SPOP: variants seen among roughly 807,000 people sequenced by gnomAD.
SPOP encodes speckle-type POZ protein.
In SPOP, 11 loss-of-function variants were observed where a neutral mutation model predicts 45.6. That is an observed-to-expected ratio of 0.24 (90% confidence interval 0.15 to 0.40). The LOEUF is 0.40. Ranked by LOEUF, SPOP falls within the 10% of genes least tolerant of loss-of-function variation. The probability of loss-of-function intolerance (pLI) is 1.00; values close to 1 mark genes in which losing one functional copy is unlikely to be tolerated. For missense variants in SPOP, 152 were observed against 465.6 expected (o/e 0.33, Z 6.20); for synonymous variants, 166 against 166.3 (o/e 1.00, Z 0.01).
chr17:49,653,788 T>C (rs2143500505), intron 1 of SPOP, among the ~76,000 whole-genome samples: 1 of 150,012 alleles, frequency 6.7e-6, no homozygotes, highest in Admixed American at 6.7e-5. Flanking sequence ...GAAATGCCTT[T>C]TATAAATACA....
At chr17:49,632,354 T>TG (rs2072466184) in intron 1 of SPOP, among the ~76,000 whole-genome samples, 1 of 152,158 alleles carries the variant, frequency 6.6e-6, no homozygotes, top group Non-Finnish European at 1.5e-5. Context: ...TACAGAGCTA[T>TG]GGGGGGAGTT....
chr17:49,618,442 G>T, intron 5 of SPOP: 1 of 418,892 alleles, frequency 2.4e-6, no homozygotes, highest in Admixed American at 2.9e-5. Flanking sequence ...ATAACTCTGT[G>T]AGCTAACTGT....
intron 1 of SPOP, among the ~76,000 whole-genome samples, chr17:49,660,067 G>A (rs2072966598): frequency 2.0e-5 from 3 of 152,190 alleles, no homozygotes; most frequent in South Asian, 2.1e-4. Flanking sequence ...AGTGGTATGG[G>A]TGCAGCCCAG....
chr17:49,645,012 T>C (rs2072728987), intron 1 of SPOP, among the ~76,000 whole-genome samples: 1 of 152,094 alleles, frequency 6.6e-6, no homozygotes, highest in Non-Finnish European at 1.5e-5. Context: ...AATCGATGAA[T>C]TCAGGAAAAA....
At chr17:49,601,165 C>T (rs148362996) in intron 9 of SPOP, 15 of 152,914 alleles carry the variant, frequency 9.8e-5, no homozygotes, top group Admixed American at 9.1e-4. Flanking sequence ...GTTCACTCAT[C>T]CACCTGGAAT....
At chr17:49,608,459 C>A (rs1363397637) in intron 6 of SPOP, among the ~76,000 whole-genome samples, 2 of 152,014 alleles carry the variant, frequency 1.3e-5, no homozygotes, top group African/African-American at 4.8e-5. Context: ...GATGATATTG[C>A]CCCAAAGAGG....
At chr17:49,621,796 CAGGCACTGTGCT>C (rs2072225991) in intron 3 of SPOP, 138 bp downstream of exon 3, 18 of 740,548 alleles carry the variant, frequency 2.4e-5, no homozygotes, top group South Asian at 3.8e-5. Flanking sequence ...TATTATGTGC[CAGGCACTGTGCT>C]AGGCACTGGG....
intron 1 of SPOP, among the ~76,000 whole-genome samples, chr17:49,650,859 A>G (rs2072834567): frequency 6.6e-6 from 1 of 152,244 alleles, no homozygotes; most frequent in Non-Finnish European, 1.5e-5. Flanking sequence ...GTGCTTCACA[A>G]GAAAAGTCTG....
intron 1 of SPOP, among the ~76,000 whole-genome samples, chr17:49,624,993 A>C (rs1384442331): frequency 6.6e-6 from 1 of 152,216 alleles, no homozygotes; most frequent in Non-Finnish European, 1.5e-5. Flanking sequence ...TTAACAATAC[A>C]TGTGCTAGAG....
At chr17:49,653,650 C>T (rs960827692) in intron 1 of SPOP, among the ~76,000 whole-genome samples, 2 of 151,924 alleles carry the variant, frequency 1.3e-5, no homozygotes, top group Middle Eastern at 3.4e-3. Context: ...TCCAATGTGA[C>T]TCCCACTTGA....
At chr17:49,614,849 A>G (rs560514344) in intron 5 of SPOP, among the ~76,000 whole-genome samples, 29 of 141,282 alleles carry the variant, frequency 2.1e-4, no homozygotes, top group African/African-American at 8.5e-4. Flanking sequence ...GTGTGTATAA[A>G]ACTATTAGTT....
chr17:49,640,976 T>C (rs1016735834), intron 1 of SPOP, among the ~76,000 whole-genome samples: 1 of 152,074 alleles, frequency 6.6e-6, no homozygotes, highest in Non-Finnish European at 1.5e-5. Context: ...TAAAAATGAA[T>C]TCCTGGCTGA....
chr17:49,651,699 T>G (rs2072844483), intron 1 of SPOP, among the ~76,000 whole-genome samples: 1 of 152,226 alleles, frequency 6.6e-6, no homozygotes, highest in Non-Finnish European at 1.5e-5. Context: ...GTACCCATTT[T>G]GTGATAGGCC....
In SPOP at chr17:49,600,315, C is replaced by T. The variant is rs2071716932; in HGVS notation, c.*63G>A. The T allele has an allele frequency of 6.2e-7, 1 of 1,603,666 alleles. No homozygotes were observed. ...CAGATTGCGCTGTCTACCTGGTGGT[C>T]AGTGGCAGCAACAGTGGCTGCTGCT... On this transcript the variant is annotated 3_prime_UTR_variant, in exon 10 of 10. Coordinates refer to ENST00000504102, the MANE Select transcript of SPOP (RefSeq NM_001007228.2). This position sits in a 1 kb window ranked among gnomAD's most constrained non-coding sequence, Gnocchi z 4.2.
At chr17:49,659,517 A>T (rs1368045753) in intron 1 of SPOP, among the ~76,000 whole-genome samples, 1 of 152,132 alleles carries the variant, frequency 6.6e-6, no homozygotes, top group Non-Finnish European at 1.5e-5. Context: ...CAACCTACTT[A>T]TATTTTTCTA....
chr17:49,650,297 A>G (rs2072825353), intron 1 of SPOP, among the ~76,000 whole-genome samples: 1 of 152,084 alleles, frequency 6.6e-6, no homozygotes, highest in African/African-American at 2.4e-5. Context: ...ATAGAAAAAC[A>G]GGCTGGGTGC....
intron 1 of SPOP, among the ~76,000 whole-genome samples, chr17:49,647,636 A>G (rs1464854241): frequency 6.6e-6 from 1 of 152,032 alleles, no homozygotes; most frequent in African/African-American, 2.4e-5. Context: ...GTGTGCCACC[A>G]TGCCCAGATA....
At chr17:49,640,020 A>G (rs2072616320) in intron 1 of SPOP, among the ~76,000 whole-genome samples, 1 of 152,012 alleles carries the variant, frequency 6.6e-6, no homozygotes, top group African/African-American at 2.4e-5. Context: ...GAGGCTGAGG[A>G]GGGAGGATCA....
chr17:49,657,816 C>T (rs2072935506), intron 1 of SPOP, among the ~76,000 whole-genome samples: 1 of 151,776 alleles, frequency 6.6e-6, no homozygotes, highest in African/African-American at 2.4e-5. Context: ...ATTCTCCTGC[C>T]TCAGCCTCCT....
Sources: allele counts gnomAD v4.1 joint callset (sites outside exome capture counted in the v4.1 genomes callset), GRCh38; gene constraint gnomAD v4.1.1; non-coding constraint Gnocchi (gnomAD v3.1); transcripts MANE v1.5; gene names NCBI Gene and HGNC (gene_info 2026-07-23, HGNC 2026-07-21).